ZFHX3: variants seen among roughly 807,000 people sequenced by gnomAD.
ZFHX3 encodes the protein zinc finger homeobox 3, also known as zinc finger homeobox protein 3.
Under a neutral mutation model 279.1 loss-of-function variants are expected in ZFHX3, and 42 were observed. The observed-to-expected ratio is 0.15, with a 90% CI of 0.12 to 0.19. ZFHX3 has a LOEUF of 0.19. Among genes scored for constraint, ZFHX3 ranks in the 10% least tolerant of loss-of-function variants. The probability of loss-of-function intolerance (pLI) is 1.00; values close to 1 mark genes in which losing one functional copy is unlikely to be tolerated. For missense variants in ZFHX3, 4,981 were observed against 4,754.0 expected, an observed-to-expected ratio of 1.05 and a Z score of -1.40; for synonymous variants, 2,293 against 1,957.8, an observed-to-expected ratio of 1.17 and a Z score of -4.52.
At chr16:73,680,635 G>A (rs904077978) in intron 1 of ZFHX3, among the ~76,000 whole-genome samples, 18 of 152,142 alleles carry the variant, frequency 1.2e-4, no homozygotes, top group Admixed American at 1.2e-3. Flanking sequence ...TCTGCATCTG[G>A]GAAAGGTACA....
upstream of ZFHX3, among the ~76,000 whole-genome samples, chr16:73,051,785 G>C (rs1285530608): frequency 6.6e-6 from 1 of 151,750 alleles, no homozygotes; most frequent in Non-Finnish European, 1.5e-5. Context: ...AGCTTTACAT[G>C]TTAGGTAAAG....
intron 8 of ZFHX3, among the ~76,000 whole-genome samples, chr16:73,066,374 G>T (rs1965753083): frequency 6.6e-6 from 1 of 152,152 alleles, no homozygotes; most frequent in South Asian, 2.1e-4. Flanking sequence ...CCCAGTTCAC[G>T]GAGCCAGCGT....
chr16:73,087,763 C>A (rs759357577), intron 8 of ZFHX3, among the ~76,000 whole-genome samples: 1 of 151,958 alleles, frequency 6.6e-6, no homozygotes, highest in Non-Finnish European at 1.5e-5. Context: ...GTTCAAGGAT[C>A]AGGAAATGTC....
rs371922381 is a variant in ZFHX3, at chr16:73,691,835, G to T, written c.-1607-11595C>A. ...TTCATTAATTTTTAAAATTTATTGA[G>T]ATACTGATTCATTGATTCAGTCCTT... On this transcript the variant is annotated intron_variant, in intron 1 of 17. Transcript: ENST00000641206. Among the ~76,000 whole-genome samples, 330 of 152,276 alleles carry T rather than the reference G, an allele frequency of 2.2e-3. 2 individuals carry two copies. Among genetic ancestry groups the T allele is most frequent in the African/African-American group, 7.7e-3 (319 of 41,558 alleles).
chr16:72,950,532 G>T lies in ZFHX3; in HGVS notation c.3153C>A (p.Ser1051Arg), dbSNP rs779769400. Residue 1051 changes from serine to arginine, a missense_variant, in exon 3 of 10, where the codon AGC becomes AGA. By Grantham distance (110) the Ser-to-Arg change is moderately radical (BLOSUM62 -1). Around this residue, in one of 7 missense-constraint regions of ZFHX3, gnomAD observed 1,751 missense variants for 1,770.0 expected, o/e 0.99. Coordinates refer to ENST00000268489, the MANE Select transcript of ZFHX3 (RefSeq NM_006885.4). ...CCGTGTGCAGCCGCAGCTTCTCCAG[G>T]CTGTTGGTGTAGTAGTCACAGGCGT... ...KCNACDYYTN[S>R]LEKLRLHTVN... is the part of the protein sequence containing the mutation. The T allele has an allele frequency of 6.8e-6, 11 of 1,614,134 alleles. No homozygotes were observed. Among genetic ancestry groups the T allele is most frequent in the South Asian group, 1.1e-5 (1 of 91,090 alleles).
intron 2 of ZFHX3, among the ~76,000 whole-genome samples, chr16:73,466,167 T>C (rs974983898): frequency 1.6e-5 from 2 of 123,098 alleles, no homozygotes; most frequent in African/African-American, 6.5e-5. Flanking sequence ...GAAATCATTC[T>C]TTTCAATCGC....
At chr16:73,327,467 A>T (rs772507653) in intron 3 of ZFHX3, among the ~76,000 whole-genome samples, 9 of 152,194 alleles carry the variant, frequency 5.9e-5, no homozygotes, top group Non-Finnish European at 1.3e-4. Context: ...CCATATTGAA[A>T]ACATGGATGA....
intron 3 of ZFHX3, among the ~76,000 whole-genome samples, chr16:73,406,061 T>C (rs977430797): frequency 8.5e-5 from 13 of 152,234 alleles, no homozygotes; most frequent in African/African-American, 3.1e-4. Flanking sequence ...TTCTATCGTC[T>C]CTAGGAGGAG....
chr16:73,390,781 A>T (rs1020429675), intron 3 of ZFHX3, among the ~76,000 whole-genome samples: 17 of 152,040 alleles, frequency 1.1e-4, no homozygotes, highest in African/African-American at 4.1e-4. Context: ...ATTATTTAAA[A>T]ATTTGCTTCT....
At chr16:73,620,940 C>T (rs928590408) in intron 2 of ZFHX3, among the ~76,000 whole-genome samples, 1 of 152,228 alleles carries the variant, frequency 6.6e-6, no homozygotes, top group Admixed American at 6.5e-5. Context: ...GGAATCCCAG[C>T]CAGACCCTTA....
At position 72,788,644 on chromosome 16, in the gene ZFHX3, G is replaced by A. The variant is rs2035564972; in HGVS notation, c.9632C>T (p.Pro3211Leu). 1 of 1,613,308 alleles carries A rather than the reference G, an allele frequency of 6.2e-7. No homozygotes were observed. The highest frequency in any genetic ancestry group is 8.5e-7 in the Non-Finnish European group (1 of 1,179,748). ...TGGCGGCTGGGCTGCTGGCGGCGGG[G>A]GAGGCTGCTGCACCTGTGGTTGCTG... ...QQQQPQVQQP[P>L]PPPAAQPPPT... is the part of the protein sequence containing the mutation. The change falls in exon 10 of 10, where the codon CCC (proline) becomes CTC (leucine). Residue 3211 changes from proline to leucine, a missense_variant. Physicochemically the swap from Pro to Leu is moderately conservative, Grantham distance 98. Around this residue, in one of 7 missense-constraint regions of ZFHX3, gnomAD observed 1,034 missense variants for 786.0 expected, o/e 1.32. Transcript: ENST00000268489.
At chr16:73,261,034 C>G (rs2144968033) in intron 4 of ZFHX3, among the ~76,000 whole-genome samples, 1 of 152,264 alleles carries the variant, frequency 6.6e-6, no homozygotes, top group African/African-American at 2.4e-5. Context: ...ATTCTTGCAG[C>G]AGATATGCCC....
At chr16:73,782,610 T>C (rs1257180971) in intron 1 of ZFHX3, among the ~76,000 whole-genome samples, 1 of 152,140 alleles carries the variant, frequency 6.6e-6, no homozygotes, top group Non-Finnish European at 1.5e-5. Context: ...TGGCTCCCCT[T>C]GTGGTTAGAC....
At chr16:73,031,361 A>C (rs1964691380) in intron 1 of ZFHX3, among the ~76,000 whole-genome samples, 1 of 152,186 alleles carries the variant, frequency 6.6e-6, no homozygotes, top group Non-Finnish European at 1.5e-5. Context: ...GAAAACACGA[A>C]GTTCCCGAGT....
intron 2 of ZFHX3, among the ~76,000 whole-genome samples, chr16:73,659,126 A>G (rs2052753338): frequency 6.6e-6 from 1 of 152,184 alleles, no homozygotes; most frequent in African/African-American, 2.4e-5. Flanking sequence ...CGAAATATAT[A>G]TGGTTCCCGC....
intron 3 of ZFHX3, among the ~76,000 whole-genome samples, chr16:72,902,005 A>G (rs2039050041): frequency 2.0e-5 from 3 of 152,240 alleles, no homozygotes. Context: ...TAAATCAACC[A>G]GCAAGCGCAG....
chr16:73,610,991 C>T (rs1237584276), intron 2 of ZFHX3, among the ~76,000 whole-genome samples: 1 of 152,216 alleles, frequency 6.6e-6, no homozygotes, highest in Non-Finnish European at 1.5e-5. Flanking sequence ...TTGTCAGCCG[C>T]TGCTGGAACC....
chr16:73,461,126 C>T (rs1278875247), intron 2 of ZFHX3, among the ~76,000 whole-genome samples: 1 of 152,154 alleles, frequency 6.6e-6, no homozygotes, highest in African/African-American at 2.4e-5. Context: ...TCTCATCATC[C>T]TTTTAATTTA....
At chr16:72,940,695 T>A (rs1030585213) in intron 3 of ZFHX3, among the ~76,000 whole-genome samples, 8 of 152,234 alleles carry the variant, frequency 5.3e-5, no homozygotes, top group African/African-American at 1.9e-4. Flanking sequence ...AGGCCGGCCC[T>A]GCCAAGGCAA....
Sources: gnomAD v4.1 joint callset for allele counts (sites outside exome capture counted in the v4.1 genomes callset) on GRCh38, gnomAD v4.1.1 for gene constraint, gnomAD v4.1.1 regional missense constraint, MANE v1.5 for transcripts, NCBI Gene and HGNC (gene_info 2026-07-23, HGNC 2026-07-21) for gene names.